The following CENPU variants were observed in gnomAD, a reference collection of about 807,000 sequenced individuals.
The protein encoded by CENPU is KSHV latent nuclear antigen interacting protein 1.
CENPU carries 46 observed loss-of-function variants against 56.7 expected under a neutral mutation model. The observed-to-expected ratio is 0.81, with a 90% CI of 0.64 to 1.04. The LOEUF is 1.04. CENPU is among the 50% of genes least tolerant of loss of function. The probability of loss-of-function intolerance (pLI) is 0.00; values close to 1 mark genes in which losing one functional copy is unlikely to be tolerated. For missense variants in CENPU, 510 were observed against 490.1 expected (o/e 1.04, Z -0.38); for synonymous variants, 166 against 163.0 (o/e 1.02, Z -0.14).
chr4:184,696,462 G>A (rs1760317894), intron 12 of CENPU, among the ~76,000 whole-genome samples: 1 of 152,090 alleles, frequency 6.6e-6, no homozygotes, highest in South Asian at 2.1e-4. Context: ...TGTTCAAGCT[G>A]AATCAATGCT....
intron 2 of CENPU, among the ~76,000 whole-genome samples, 176 bp downstream of exon 2, chr4:184,730,744 A>G (rs1421706396): frequency 1.3e-5 from 2 of 152,190 alleles, no homozygotes; most frequent in East Asian, 1.9e-4. Flanking sequence ...ATTCTAAAAC[A>G]TTAACAAAAG....
chr4:184,729,162 A>G, intron 2 of CENPU, 127 bp from the exon 3 acceptor site: 2 of 694,682 alleles, frequency 2.9e-6, no homozygotes, highest in Middle Eastern at 3.4e-4. Context: ...GGGGTGATGG[A>G]TTCACTACCT....
At chr4:184,711,756 T>C (rs763544018) in intron 7 of CENPU, among the ~76,000 whole-genome samples, 43 of 152,158 alleles carry the variant, frequency 2.8e-4, no homozygotes, top group Non-Finnish European at 2.9e-4. Context: ...GCCTACCCTA[T>C]GACTCAGCAA....
At chr4:184,716,247 T>G (rs1761090453) in intron 6 of CENPU, 150 bp downstream of exon 6, 3 of 647,102 alleles carry the variant, frequency 4.6e-6, no homozygotes, top group African/African-American at 3.7e-5. Context: ...ACCATCTAGA[T>G]TTTCTAAAAC....
intron 1 of CENPU, among the ~76,000 whole-genome samples, chr4:184,731,556 G>C (rs995846481): frequency 6.6e-6 from 1 of 152,090 alleles, no homozygotes; most frequent in African/African-American, 2.4e-5. Context: ...ATGGTGACAA[G>C]AATAAAAACG....
At chr4:184,697,559 CT>C in intron 12 of CENPU, 87 bp downstream of exon 12, 2 of 1,288,054 alleles carry the variant, frequency 1.6e-6, no homozygotes, top group Non-Finnish European at 2.2e-6. Flanking sequence ...CTGCATTTGT[CT>C]TTCCCCAAAG....
intron 8 of CENPU, among the ~76,000 whole-genome samples, chr4:184,705,024 A>G (rs1760676640): frequency 6.6e-6 from 1 of 152,230 alleles, no homozygotes; most frequent in Non-Finnish European, 1.5e-5. Flanking sequence ...AGTCCCTTAC[A>G]AAACTAAACA....
Position 184,716,566 on chromosome 4 carries a change from T to C in CENPU, c.449A>G (p.Lys150Arg). Residue 150 changes from lysine (K) to arginine (R), a missense_variant, in exon 6 of 13, where the codon AAA becomes AGA. Physicochemically the swap from Lys to Arg is conservative, Grantham distance 26 (BLOSUM62 2). Transcript: ENST00000281453. ...ESIEESDTRRKVKSAEKISTQ... is the reference protein window; with the variant it reads ...ESIEESDTRRRVKSAEKISTQ... Reference sequence around the variant, plus strand: ...ACTTATTTTCTCTGCTGATTTAACTTTTCTCCTTGTATCACTTTCTTCAAT... The same window carrying C: ...ACTTATTTTCTCTGCTGATTTAACTCTTCTCCTTGTATCACTTTCTTCAAT... 6.2e-7 allele frequency: 1 copy of C among 1,614,188 alleles called. No individual in the cohort carries two copies. Among genetic ancestry groups the C allele is most frequent in the Non-Finnish European group, 8.5e-7 (1 of 1,180,028 alleles).
intron 2 of CENPU, 138 bp from the exon 3 acceptor site, chr4:184,729,173 A>G: frequency 3.1e-6 from 2 of 645,058 alleles, no homozygotes; most frequent in Non-Finnish European, 5.5e-6. Context: ...TTCACTACCT[A>G]CCCTGATTGG....
chr4:184,699,627 G>C, intron 11 of CENPU: 1 of 1,288,052 alleles, frequency 7.8e-7, no homozygotes, highest in Admixed American at 2.3e-5. Flanking sequence ...CAACAGATTA[G>C]ACAACTGCTT....
At chr4:184,726,624 G>C (rs1761459546) in intron 3 of CENPU, among the ~76,000 whole-genome samples, 1 of 152,076 alleles carries the variant, frequency 6.6e-6, no homozygotes, top group South Asian at 2.1e-4. Context: ...CCATTTCTGG[G>C]TAAATGTCCA....
chr4:184,731,583 G>A (rs897929056), intron 1 of CENPU, among the ~76,000 whole-genome samples: 6 of 152,140 alleles, frequency 3.9e-5, no homozygotes, highest in African/African-American at 1.4e-4. Context: ...AACAGTGGCA[G>A]GATTATATAT....
At chr4:184,704,958 A>G (rs1172347640) in intron 8 of CENPU, among the ~76,000 whole-genome samples, 1 of 152,242 alleles carries the variant, frequency 6.6e-6, no homozygotes, top group Non-Finnish European at 1.5e-5. Flanking sequence ...AAATGCTGGC[A>G]AGGATGTAGA....
chr4:184,726,490 C>T (rs1454155909), intron 3 of CENPU, among the ~76,000 whole-genome samples: 1 of 152,132 alleles, frequency 6.6e-6, no homozygotes, highest in South Asian at 2.1e-4. Context: ...AACAAACACC[C>T]AGAAAATAGC....
chr4:184,711,761 C>T (rs373717063), intron 7 of CENPU, among the ~76,000 whole-genome samples: 2 of 152,100 alleles, frequency 1.3e-5, no homozygotes, highest in African/African-American at 4.8e-5. Flanking sequence ...CCCTATGACT[C>T]AGCAATTTCA....
chr4:184,718,551 G>A (rs1436287344), intron 4 of CENPU, among the ~76,000 whole-genome samples: 1 of 152,210 alleles, frequency 6.6e-6, no homozygotes, highest in East Asian at 1.9e-4. Context: ...GTGTATGGGC[G>A]GGTAGGCCAG....
chr4:184,699,663 T>C, intron 11 of CENPU: 2 of 1,226,776 alleles, frequency 1.6e-6, no homozygotes, highest in South Asian at 2.6e-5. Context: ...CCTGTGGCAG[T>C]CTCTCTTTTT....
rs1579759223 is a variant in CENPU, at chr4:184,702,090, T to C, written c.923A>G (p.Lys308Arg). The stretch of plus-strand genomic sequence containing the variant: ...ACTCTAATCACATAAATAATTTACC[T>C]TAGCATTCTTCCTTTTCAGATTTGT... Reference protein sequence around the residue: ...MLTNLKRKNAKMISDIEKKRQ... With the variant: ...MLTNLKRKNARMISDIEKKRQ... The change falls in exon 10 of 13, where the codon AAG becomes AGG. Residue 308 changes from lysine to arginine, a missense_variant and splice_region_variant. Coordinates refer to ENST00000281453, the MANE Select transcript of CENPU (RefSeq NM_024629.4). 1.9e-6 allele frequency: 3 copies of C among 1,599,888 alleles called. No homozygotes were observed. The East Asian group carries it at 6.7e-5, about 36-fold the overall frequency.
intron 11 of CENPU, among the ~76,000 whole-genome samples, chr4:184,700,330 CT>C (rs1423741340): frequency 1.3e-5 from 2 of 152,208 alleles, no homozygotes; most frequent in African/African-American, 4.8e-5. Context: ...ACAGCACTTA[CT>C]GTGTGCGCCT....
Sources: gnomAD v4.1 joint callset for allele counts (sites outside exome capture counted in the v4.1 genomes callset) on GRCh38, gnomAD v4.1.1 for gene constraint, MANE v1.5 for transcripts, NCBI Gene and HGNC (gene_info 2026-07-23, HGNC 2026-07-21) for gene names.